ABCB4: variants seen among roughly 807,000 people sequenced by gnomAD.
The protein encoded by ABCB4 is ATP binding cassette subfamily B member 4.
A neutral mutation model predicts 145.7 loss-of-function variants in ABCB4; 76 were observed. The ratio of observed to expected loss-of-function variants is 0.52; its 90% CI spans 0.43 to 0.63. The LOEUF (loss-of-function observed/expected upper bound fraction) is 0.63. Among genes scored for constraint, ABCB4 ranks in the 30% least tolerant of loss-of-function variants. The pLI, the probability that ABCB4 is intolerant of heterozygous loss-of-function variation, is 0.00. For synonymous variants in ABCB4, 517 were observed against 566.8 expected (o/e 0.91, Z 1.25); for missense variants, 1,234 against 1,553.1 (o/e 0.79, Z 3.45).
chr7:87,411,897 T>C lies in ABCB4; in HGVS notation c.2920A>G (p.Ile974Val), dbSNP rs1390328277. ...VNGHMRFRDVILVFSAIVFGA... is the reference protein window; with the variant it reads ...VNGHMRFRDVVLVFSAIVFGA... Reference sequence around the variant, plus strand: ...AATATTTCTAAAGCTACTTACAGAATAACATCTCTGAAGCGCATATGTCCA... The same window carrying C: ...AATATTTCTAAAGCTACTTACAGAACAACATCTCTGAAGCGCATATGTCCA... The change falls in exon 23 of 28, where the codon ATT becomes GTT. Residue 974 changes from isoleucine (I) to valine (V), a missense_variant. Coordinates refer to ENST00000649586, the MANE Select transcript of ABCB4 (RefSeq NM_000443.4). 1.2e-6 allele frequency: 2 copies of C among 1,613,468 alleles called. No individual in the cohort carries two copies. Among genetic ancestry groups the C allele is most frequent in the Non-Finnish European group, 1.7e-6 (2 of 1,179,582 alleles).
chr7:87,440,448 G>A, intron 12 of ABCB4, 46 bp from the exon 13 acceptor site: 1 of 1,508,310 alleles, frequency 6.6e-7, no homozygotes, highest in Non-Finnish European at 9.2e-7. Context: ...CCATTTAATA[G>A]CTGAAGTATC....
At chr7:87,433,077 A>T (rs926173597) in intron 14 of ABCB4, among the ~76,000 whole-genome samples, 8 of 152,222 alleles carry the variant, frequency 5.3e-5, no homozygotes, top group Admixed American at 5.2e-4. Context: ...AAACCATCTA[A>T]GAATTTAATT....
chr7:87,431,244 C>G (rs1422753577), intron 15 of ABCB4, among the ~76,000 whole-genome samples, 160 bp downstream of exon 15: 1 of 152,206 alleles, frequency 6.6e-6, no homozygotes, highest in Non-Finnish European at 1.5e-5. Flanking sequence ...CACCTGCTAC[C>G]TCTTTACAGA....
chr7:87,381,591 GCTTTGA>G, the ABCB4 span, among the ~76,000 whole-genome samples: 1 of 152,078 alleles, frequency 6.6e-6, no homozygotes, highest in Non-Finnish European at 1.5e-5. Flanking sequence ...ATATACACTT[GCTTTGA>G]CTTCTAGTAA....
intron 27 of ABCB4, 126 bp from the exon 28 acceptor site, chr7:87,402,428 C>T (rs1807851504): frequency 8.6e-7 from 1 of 1,157,592 alleles, no homozygotes; most frequent in Non-Finnish European, 1.3e-6. Flanking sequence ...AATCTTTGAA[C>T]TTTATGCATG....
chr7:87,391,486 G>T, the ABCB4 span: 1 of 1,119,596 alleles, frequency 8.9e-7, no homozygotes, highest in Non-Finnish European at 1.2e-6. Flanking sequence ...TGTGTTAAAG[G>T]GCTTAGTCTC....
Position 87,412,170 on chromosome 7 carries a change from A to G in ABCB4, c.2784-137T>C, listed in dbSNP as rs966038646. 4.8e-6 allele frequency: 4 copies of G among 826,838 alleles called. No individual in the cohort carries two copies. The African/African-American group carries it at 6.9e-5, about 14-fold the overall frequency. 51.2% of individuals were successfully genotyped at this position (826,838 alleles called of 1,614,324 possible). A position where few individuals can be genotyped will look rare whatever the true frequency, so the allele number is the denominator to read the frequency against. On this transcript the variant is annotated intron_variant, in intron 22 of 27. Transcript: ENST00000649586. ...AGTTATATTAGTTTGGGTAAATGAT[A>G]ACTTCTCTAAACATTTATACCATGG...
chr7:87,471,902 T>C (rs947096593), intron 3 of ABCB4, among the ~76,000 whole-genome samples: 4 of 152,252 alleles, frequency 2.6e-5, no homozygotes, highest in Non-Finnish European at 5.9e-5. Flanking sequence ...TGTAGATTCC[T>C]TAAATTAAAA....
At chr7:87,444,099 A>T (rs1811180807) in intron 10 of ABCB4, among the ~76,000 whole-genome samples, 1 of 152,230 alleles carries the variant, frequency 6.6e-6, no homozygotes, top group East Asian at 1.9e-4. Flanking sequence ...TAACAAAAAT[A>T]TGCTATAATT....
At chr7:87,383,966 C>CT in the ABCB4 span, among the ~76,000 whole-genome samples, 14 of 148,050 alleles carry the variant, frequency 9.5e-5, no homozygotes, top group Middle Eastern at 3.4e-3. Context: ...TAGGGTAGTT[C>CT]TTTTTTTTTT....
At chr7:87,388,630 A>G in the ABCB4 span, among the ~76,000 whole-genome samples, 1 of 152,220 alleles carries the variant, frequency 6.6e-6, no homozygotes, top group Non-Finnish European at 1.5e-5. Context: ...TTAACTCAAG[A>G]TGGATTAAAG....
chr7:87,468,437 C>T (rs1022260755), intron 3 of ABCB4, among the ~76,000 whole-genome samples: 2 of 152,144 alleles, frequency 1.3e-5, no homozygotes, highest in Non-Finnish European at 2.9e-5. Context: ...AGAATCACAG[C>T]CGAATTCTAC....
At chr7:87,404,460 G>A (rs1200240941) in intron 26 of ABCB4, among the ~76,000 whole-genome samples, 4 of 152,140 alleles carry the variant, frequency 2.6e-5, no homozygotes, top group African/African-American at 7.2e-5. Flanking sequence ...GCTAGGCAAC[G>A]AGTTCTTAGA....
chr7:87,430,221 A>T (rs989638999), intron 15 of ABCB4, among the ~76,000 whole-genome samples: 5 of 152,206 alleles, frequency 3.3e-5, no homozygotes, highest in African/African-American at 9.7e-5. Context: ...TAGAAAAATG[A>T]CTAATTTCAC....
the ABCB4 span, among the ~76,000 whole-genome samples, chr7:87,372,762 C>T: frequency 1.6e-4 from 24 of 152,102 alleles, no homozygotes; most frequent in South Asian, 4.2e-4. Flanking sequence ...AAGGTTCATC[C>T]GTGTTTTAGC....
chr7:87,471,319 C>G (rs1201201094), intron 3 of ABCB4, among the ~76,000 whole-genome samples: 1 of 151,732 alleles, frequency 6.6e-6, no homozygotes, highest in Non-Finnish European at 1.5e-5. Flanking sequence ...ACATATGTAA[C>G]AAACCTGCAC....
the ABCB4 span, chr7:87,375,651 A>C: frequency 1.9e-6 from 3 of 1,612,984 alleles, no homozygotes; most frequent in Non-Finnish European, 2.5e-6. Context: ...ATATATCCAC[A>C]AGAAGTGCCA....
chr7:87,415,719 C>G (rs1473098159), intron 21 of ABCB4, among the ~76,000 whole-genome samples: 1 of 151,910 alleles, frequency 6.6e-6, no homozygotes, highest in Non-Finnish European at 1.5e-5. Context: ...AATAGCAAGA[C>G]CAAAGCTAAT....
At chr7:87,452,606 T>C (rs1433918046) in intron 6 of ABCB4, 5 of 345,646 alleles carry the variant, frequency 1.4e-5, no homozygotes, top group Admixed American at 4.5e-5. Context: ...CTAAAGCAAG[T>C]CTCTTTGTAA....
Sources: gnomAD v4.1 joint callset for allele counts (sites outside exome capture counted in the v4.1 genomes callset) on GRCh38, gnomAD v4.1.1 for gene constraint, MANE v1.5 for transcripts, NCBI Gene and HGNC (gene_info 2026-07-23, HGNC 2026-07-21) for gene names.